The following SLC24A3 variants were observed in gnomAD, a reference collection of about 807,000 sequenced individuals.
The protein encoded by SLC24A3 is solute carrier family 24 member 3, also known as sodium/potassium/calcium exchanger 3.
SLC24A3 carries 28 observed loss-of-function variants against 75.8 expected under a neutral mutation model. That is an observed-to-expected ratio of 0.37 (90% CI 0.27 to 0.51). SLC24A3 has a LOEUF of 0.51. SLC24A3 is among the 20% of genes least tolerant of loss of function. The pLI, the probability that SLC24A3 is intolerant of heterozygous loss-of-function variation, is 0.94. For synonymous variants in SLC24A3, 372 were observed against 334.1 expected, an observed-to-expected ratio of 1.11 and a Z score of -1.24; for missense variants, 663 against 847.8, an observed-to-expected ratio of 0.78 and a Z score of 2.71.
chr20:19,587,878 C>A (rs1439025311), intron 6 of SLC24A3, among the ~76,000 whole-genome samples: 1 of 152,144 alleles, frequency 6.6e-6, no homozygotes, highest in African/African-American at 2.4e-5. Context: ...CAGTTAGACA[C>A]CATTAGCTAT....
chr20:19,357,078 C>G (rs1167104834), intron 2 of SLC24A3, among the ~76,000 whole-genome samples: 1 of 152,088 alleles, frequency 6.6e-6, no homozygotes, highest in East Asian at 1.9e-4. Flanking sequence ...CTTGGATTAT[C>G]TGGGTGGGCC....
chr20:19,315,896 A>G (rs1984574364), intron 2 of SLC24A3, among the ~76,000 whole-genome samples: 1 of 152,248 alleles, frequency 6.6e-6, no homozygotes, highest in Admixed American at 6.5e-5. Flanking sequence ...CCTAGCAAGC[A>G]TCGTCACTTA....
chr20:19,572,980 A>G (rs550881747), intron 3 of SLC24A3, among the ~76,000 whole-genome samples: 11 of 152,354 alleles, frequency 7.2e-5, no homozygotes, highest in African/African-American at 2.6e-4. Flanking sequence ...TATTATTATT[A>G]TTCCAGCCGT....
chr20:19,323,780 T>C (rs1241358538), intron 2 of SLC24A3, among the ~76,000 whole-genome samples: 3 of 152,230 alleles, frequency 2.0e-5, no homozygotes, highest in Non-Finnish European at 4.4e-5. Flanking sequence ...AAGCTGGAAC[T>C]TCATTTGCTG....
rs185680896 is a variant in SLC24A3 at position 19,485,974 on chromosome 20, C to G, written c.272-29514C>G. 7.5e-4 allele frequency among the ~76,000 whole-genome samples: 114 copies of G among 152,286 alleles called. 1 individual carries two copies. The highest frequency in any genetic ancestry group is 2.5e-3 in the South Asian group (12 of 4,820). ...CCTTGGAGGAGGCCATCAGTGGGCA[C>G]TGTTACCTGCAAGGGGTCTGGTATA... On this transcript the variant is annotated intron_variant, in intron 2 of 16. Transcript: ENST00000328041.
intron 15 of SLC24A3, among the ~76,000 whole-genome samples, chr20:19,715,942 CAT>C (rs1223852230): frequency 3.3e-5 from 5 of 152,230 alleles, no homozygotes; most frequent in African/African-American, 4.8e-5. Flanking sequence ...TCCAAGAAAA[CAT>C]GTGAAAAATG....
At chr20:19,691,583 G>T (rs2032745603) in intron 12 of SLC24A3, among the ~76,000 whole-genome samples, 1 of 152,174 alleles carries the variant, frequency 6.6e-6, no homozygotes, top group Non-Finnish European at 1.5e-5. Context: ...AGGCATTGGA[G>T]CAGTAGTCCC....
At chr20:19,385,414 G>A (rs1051369509) in intron 2 of SLC24A3, among the ~76,000 whole-genome samples, 2 of 152,178 alleles carry the variant, frequency 1.3e-5, no homozygotes, top group African/African-American at 4.8e-5. Flanking sequence ...CCCGTTGTGT[G>A]TTCTTGGTAC....
intron 2 of SLC24A3, among the ~76,000 whole-genome samples, chr20:19,437,690 G>A (rs1202306630): frequency 6.6e-6 from 1 of 152,134 alleles, no homozygotes; most frequent in African/African-American, 2.4e-5. Context: ...CCACAGCCTG[G>A]CCCTGCCCTG....
At chr20:19,400,416 A>ACTGCC (rs1600465146) in intron 2 of SLC24A3, among the ~76,000 whole-genome samples, 2 of 152,106 alleles carry the variant, frequency 1.3e-5, no homozygotes, top group Non-Finnish European at 2.9e-5. Context: ...TACTCTACCC[A>ACTGCC]CTGCCCCAGG....
At chr20:19,693,458 A>G (rs2032770212) in intron 13 of SLC24A3, 33 bp downstream of exon 13, 1 of 1,609,276 alleles carries the variant, frequency 6.2e-7, no homozygotes, top group Non-Finnish European at 8.5e-7. Context: ...GGCACTGTTA[A>G]ATCTCTTTAG....
intron 2 of SLC24A3, among the ~76,000 whole-genome samples, chr20:19,366,067 C>G (rs1219312267): frequency 6.6e-6 from 1 of 152,204 alleles, no homozygotes; most frequent in East Asian, 1.9e-4. Flanking sequence ...CCTGCCCAAC[C>G]CTCATGATTA....
intron 2 of SLC24A3, among the ~76,000 whole-genome samples, chr20:19,415,577 G>T (rs1405040265): frequency 1.3e-5 from 2 of 151,894 alleles, no homozygotes; most frequent in Non-Finnish European, 2.9e-5. Flanking sequence ...ACTAACTCTG[G>T]GCTCACCAGA....
chr20:19,326,188 G>GGGT (rs763035724), intron 2 of SLC24A3, among the ~76,000 whole-genome samples: 4 of 152,144 alleles, frequency 2.6e-5, no homozygotes, highest in South Asian at 4.2e-4. Flanking sequence ...TATGCAAAGG[G>GGGT]GGTAGTGCTT....
intron 3 of SLC24A3, among the ~76,000 whole-genome samples, chr20:19,549,289 T>C (rs900047883): frequency 1.3e-5 from 2 of 152,212 alleles, no homozygotes; most frequent in Non-Finnish European, 2.9e-5. Flanking sequence ...TAGCTAGACA[T>C]ACCTCTACCA....
In SLC24A3 at chr20:19,317,458, C is replaced by G. The variant is rs181819687; in HGVS notation, c.271+36371C>G. Among the ~76,000 whole-genome samples the G allele has an allele frequency of 2.6e-3, 395 of 152,316 alleles. 11 individuals are homozygous for G. Among genetic ancestry groups the G allele is most frequent in the Admixed American group, 0.023 (351 of 15,302 alleles). On this transcript the variant is annotated intron_variant, in intron 2 of 16. Coordinates refer to ENST00000328041, the MANE Select transcript of SLC24A3 (RefSeq NM_020689.4). ...GCTCTGCAAGATGACTCCCCTGTGACCTGCTGCATTCACAGAAAAGAGGCA... is the reference window on the plus strand; with the variant it reads ...GCTCTGCAAGATGACTCCCCTGTGAGCTGCTGCATTCACAGAAAAGAGGCA...
chr20:19,387,721 C>T (rs1427021311), intron 2 of SLC24A3, among the ~76,000 whole-genome samples: 1 of 152,050 alleles, frequency 6.6e-6, no homozygotes, highest in African/African-American at 2.4e-5. Context: ...TTTGTTAAGA[C>T]TTGTTTTGTG....
chr20:19,694,346 C>A (rs1380156333), intron 13 of SLC24A3: 4 of 152,118 alleles, frequency 2.6e-5, no homozygotes, highest in Non-Finnish European at 4.4e-5. Flanking sequence ...AATATAAATT[C>A]TGGAGAATTA....
intron 3 of SLC24A3, among the ~76,000 whole-genome samples, chr20:19,555,567 CT>C (rs745437108): frequency 1.3e-5 from 2 of 152,200 alleles, no homozygotes; most frequent in East Asian, 3.8e-4. Flanking sequence ...TTAAAGAGAT[CT>C]GCTTCTGCTG....
Sources: gnomAD v4.1 joint callset for allele counts (sites outside exome capture counted in the v4.1 genomes callset) on GRCh38, gnomAD v4.1.1 for gene constraint, MANE v1.5 for transcripts, NCBI Gene and HGNC (gene_info 2026-07-23, HGNC 2026-07-21) for gene names.